MAD1L1: variants seen among roughly 807,000 people sequenced by gnomAD.
MAD1L1 encodes the protein mitotic arrest deficient 1 like 1, also known as mitotic spindle assembly checkpoint protein MAD1.
A neutral mutation model predicts 96.9 loss-of-function variants in MAD1L1; 95 were observed. The observed-to-expected ratio is 0.98, with a 90% CI of 0.83 to 1.16. The LOEUF is 1.16. MAD1L1 is among the 50% of genes most tolerant of loss of function. The pLI is 0.00. For synonymous variants in MAD1L1, 473 were observed against 396.6 expected (o/e 1.19, Z -2.29); for missense variants, 1,007 against 954.4 (o/e 1.06, Z -0.73).
At chr7:1,936,941 C>A (rs1244851631) in intron 16 of MAD1L1, 44 bp from the exon 17 acceptor site, 2 of 1,481,532 alleles carry the variant, frequency 1.3e-6, no homozygotes, top group Non-Finnish European at 9.2e-7. Flanking sequence ...CCCAGGCACA[C>A]ACGCAGCACG....
At chr7:2,051,938 T>C (rs1378358245) in intron 12 of MAD1L1, among the ~76,000 whole-genome samples, 3 of 151,958 alleles carry the variant, frequency 2.0e-5, no homozygotes, top group Non-Finnish European at 2.9e-5. Context: ...AAGTCTTTTG[T>C]TAGGAGTACT....
chr7:2,039,268 C>G (rs991619606), intron 12 of MAD1L1, among the ~76,000 whole-genome samples: 1 of 152,210 alleles, frequency 6.6e-6, no homozygotes, highest in South Asian at 2.1e-4. Flanking sequence ...CCATCACCAC[C>G]GAAGGACATC....
rs149115854 is a variant in MAD1L1 at position 1,855,100 on chromosome 7, C to A, written c.1999-38872G>T. Among the ~76,000 whole-genome samples the A allele has an allele frequency of 7.1e-3, 1,078 of 152,286 alleles. 9 individuals carry two copies. Among genetic ancestry groups the A allele is most frequent in the Non-Finnish European group, 0.012 (788 of 68,012 alleles). On this transcript the variant is annotated intron_variant, in intron 18 of 18. Transcript: ENST00000265854. ...CACCTTCAGGGTCACCCTTCCTCTG[C>A]GGTGAAGAGCCGCGCGTGTTTGCCG...
At chr7:1,987,970 C>G (rs1331764394) in intron 14 of MAD1L1, among the ~76,000 whole-genome samples, 2 of 152,206 alleles carry the variant, frequency 1.3e-5, no homozygotes, top group Non-Finnish European at 2.9e-5. Context: ...GGAGGCTGAG[C>G]TGGCAGGAAG....
At chr7:2,048,366 G>A (rs780550727) in intron 12 of MAD1L1, among the ~76,000 whole-genome samples, 5 of 152,180 alleles carry the variant, frequency 3.3e-5, no homozygotes, top group Admixed American at 6.5e-5. Flanking sequence ...GCACAAACAC[G>A]GGATTTCCAA....
intron 15 of MAD1L1, among the ~76,000 whole-genome samples, chr7:1,971,935 A>T (rs557978848): frequency 6.6e-6 from 1 of 152,328 alleles, no homozygotes; most frequent in East Asian, 1.9e-4. Context: ...AACAGAATGA[A>T]GACCTCATCA....
chr7:1,929,810 A>C (rs1482617242), intron 17 of MAD1L1, among the ~76,000 whole-genome samples: 1 of 23,754 alleles, frequency 4.2e-5, no homozygotes, highest in Admixed American at 3.8e-4. Context: ...CCCCGTCCCC[A>C]CTGCCACGTC....
At chr7:1,944,151 G>A (rs1160809197) in intron 16 of MAD1L1, among the ~76,000 whole-genome samples, 1 of 152,208 alleles carries the variant, frequency 6.6e-6, no homozygotes, top group Non-Finnish European at 1.5e-5. Flanking sequence ...TCCAGGAAAT[G>A]CTCACAACAG....
intron 11 of MAD1L1, among the ~76,000 whole-genome samples, chr7:2,143,941 G>A (rs1004936133): frequency 1.3e-5 from 2 of 152,184 alleles, no homozygotes; most frequent in African/African-American, 4.8e-5. Context: ...CCTTAAGTCA[G>A]CATCGAGGAG....
intron 11 of MAD1L1, among the ~76,000 whole-genome samples, chr7:2,140,626 A>C (rs564390225): frequency 1.1e-4 from 17 of 152,376 alleles, no homozygotes; most frequent in Non-Finnish European, 1.8e-4. Context: ...CCCGCATCCC[A>C]GCACGAGGCC....
At chr7:1,930,892 A>G (rs1034141534) in intron 17 of MAD1L1, among the ~76,000 whole-genome samples, 3 of 152,060 alleles carry the variant, frequency 2.0e-5, no homozygotes, top group Non-Finnish European at 2.9e-5. Context: ...CCCCTAACCC[A>G]TGCTCAGGGC....
intron 17 of MAD1L1, among the ~76,000 whole-genome samples, chr7:1,911,183 G>A (rs1288266825): frequency 6.6e-6 from 1 of 152,082 alleles, no homozygotes; most frequent in African/African-American, 2.4e-5. Flanking sequence ...CGGCCTTCCT[G>A]GATTCAGCAC....
chr7:2,068,697 T>C (rs1784991474), intron 12 of MAD1L1, among the ~76,000 whole-genome samples: 1 of 152,206 alleles, frequency 6.6e-6, no homozygotes, highest in Non-Finnish European at 1.5e-5. Flanking sequence ...CAGCGACCTC[T>C]GCTCACGGTG....
At chr7:2,130,252 C>T (rs139902739) in intron 11 of MAD1L1, among the ~76,000 whole-genome samples, 130 of 152,326 alleles carry the variant, frequency 8.5e-4, no homozygotes, top group South Asian at 2.9e-3. Context: ...GGTGCCTCCC[C>T]GCTGAAATAT....
At chr7:2,116,179 G>A (rs1268707924) in intron 11 of MAD1L1, among the ~76,000 whole-genome samples, 1 of 152,248 alleles carries the variant, frequency 6.6e-6, no homozygotes, top group Non-Finnish European at 1.5e-5. Context: ...CCAGCTCCAG[G>A]ATCCTCTTGT....
chr7:2,097,764 T>C (rs921753940), intron 11 of MAD1L1, among the ~76,000 whole-genome samples: 2 of 151,406 alleles, frequency 1.3e-5, no homozygotes, highest in Non-Finnish European at 2.9e-5. Flanking sequence ...TGGTGCTGAG[T>C]GGGGAAGGGA....
At chr7:2,063,610 C>T (rs1265345091) in intron 12 of MAD1L1, among the ~76,000 whole-genome samples, 1 of 152,250 alleles carries the variant, frequency 6.6e-6, no homozygotes, top group Non-Finnish European at 1.5e-5. Context: ...GGTGTGTCTC[C>T]ACCGTGCTAT....
rs182834295 is a variant in MAD1L1 at position 2,158,407 on chromosome 7, C to A, written c.987-9169G>T. Among the ~76,000 whole-genome samples, 65 of 152,288 alleles carry A rather than the reference C, an allele frequency of 4.3e-4. No homozygotes were observed. The East Asian group carries it at 0.012, about 29-fold the overall frequency. Reference sequence around the variant, plus strand: ...CAGCAACAGCCATCAAACTAATTAGCAAACAAGACACCTCAAGCTTTCAAA... The same window carrying A: ...CAGCAACAGCCATCAAACTAATTAGAAAACAAGACACCTCAAGCTTTCAAA... On this transcript the variant is annotated intron_variant, in intron 10 of 18. Transcript: ENST00000265854.
chr7:1,835,787 A>C (rs1782911392), intron 18 of MAD1L1, among the ~76,000 whole-genome samples: 1 of 152,202 alleles, frequency 6.6e-6, no homozygotes, highest in Non-Finnish European at 1.5e-5. Context: ...ACTAACACTT[A>C]TACTGTATTT....
Sources: allele counts gnomAD v4.1 joint callset (sites outside exome capture counted in the v4.1 genomes callset), GRCh38; gene constraint gnomAD v4.1.1; transcripts MANE v1.5; gene names NCBI Gene and HGNC (gene_info 2026-07-23, HGNC 2026-07-21).